Variants in MACROD2 observed in about 807,000 individuals in gnomAD.
MACROD2 encodes mono-ADP ribosylhydrolase 2.
Under a neutral mutation model 70.4 loss-of-function variants are expected in MACROD2, and 36 were observed. That is an observed-to-expected ratio of 0.51 (90% CI 0.39 to 0.68). The LOEUF (loss-of-function observed/expected upper bound fraction) is 0.68. MACROD2 is among the 30% of genes least tolerant of loss of function. The pLI, the probability that MACROD2 is intolerant of heterozygous loss-of-function variation, is 0.00. For missense variants in MACROD2, 496 were observed against 538.4 expected (o/e 0.92, Z 0.78); for synonymous variants, 172 against 178.8 (o/e 0.96, Z 0.30).
At chr20:14,062,809 A>G (rs768770940) in intron 2 of MACROD2, among the ~76,000 whole-genome samples, 10 of 152,226 alleles carry the variant, frequency 6.6e-5, no homozygotes, top group Non-Finnish European at 1.5e-4. Context: ...AGGAAAATAC[A>G]GAATCTAATG....
At chr20:14,398,458 A>T (rs1363786059) in intron 3 of MACROD2, among the ~76,000 whole-genome samples, 1 of 149,160 alleles carries the variant, frequency 6.7e-6, no homozygotes, top group South Asian at 2.1e-4. Context: ...CTGGGGCGAG[A>T]TGATATCTCA....
At chr20:15,859,681 T>C (rs990564673) in intron 8 of MACROD2, among the ~76,000 whole-genome samples, 1 of 152,124 alleles carries the variant, frequency 6.6e-6, no homozygotes, top group Non-Finnish European at 1.5e-5. Context: ...TTCCGTGTTA[T>C]GCCTAAGGGT....
rs552214315 is a variant in MACROD2 at position 14,316,898 on chromosome 20, C to G, written c.272-176581C>G. 2.0e-5 allele frequency among the ~76,000 whole-genome samples: 3 copies of G among 152,132 alleles called. 1 individual carries two copies. The highest frequency in any genetic ancestry group is 2.0e-4 in the Admixed American group (3 of 15,290). On this transcript the variant is annotated intron_variant, in intron 3 of 17. Coordinates refer to ENST00000684519, the MANE Select transcript of MACROD2 (RefSeq NM_001351661.2). The stretch of plus-strand genomic sequence containing the variant: ...TGACAGTCTGATCCCCACACCTTCT[C>G]CTCCTCTTTTACTTACTTCTCCTGC...
At chr20:14,073,777 A>G (rs1254958606) in intron 2 of MACROD2, among the ~76,000 whole-genome samples, 2 of 152,234 alleles carry the variant, frequency 1.3e-5, no homozygotes, top group Non-Finnish European at 2.9e-5. Flanking sequence ...AAACCAGTGC[A>G]AACTTAATAA....
intron 12 of MACROD2, 107 bp downstream of exon 12, chr20:15,937,651 C>G: frequency 6.3e-6 from 6 of 957,518 alleles, no homozygotes; most frequent in Non-Finnish European, 9.9e-6. Context: ...ACTAGGTTTT[C>G]TTAAGTGTCT....
chr20:15,151,969 G>A (rs1601146164), intron 5 of MACROD2, among the ~76,000 whole-genome samples: 1 of 151,910 alleles, frequency 6.6e-6, no homozygotes, highest in Admixed American at 6.6e-5. Context: ...CGACGCTTGG[G>A]GTTGGGACTG....
intron 5 of MACROD2, among the ~76,000 whole-genome samples, chr20:14,761,176 G>A (rs887913673): frequency 6.6e-6 from 1 of 152,008 alleles, no homozygotes; most frequent in African/African-American, 2.4e-5. Flanking sequence ...TGGAAAGTCT[G>A]TTTTCATCTT....
At chr20:14,397,272 C>G (rs1166636155) in intron 3 of MACROD2, among the ~76,000 whole-genome samples, 2 of 152,092 alleles carry the variant, frequency 1.3e-5, no homozygotes, top group East Asian at 1.9e-4. Context: ...GGATTACAGG[C>G]ATGAGCCACT....
chr20:14,588,112 G>A (rs6074763), intron 4 of MACROD2, among the ~76,000 whole-genome samples: 97,215 of 151,886 alleles, frequency 0.64, 32,749 homozygotes, highest in East Asian at 0.93. Flanking sequence ...AGTAAATAAC[G>A]GGATGATCAT....
chr20:14,574,243 G>A (rs1163300808), intron 4 of MACROD2, among the ~76,000 whole-genome samples: 1 of 152,072 alleles, frequency 6.6e-6, no homozygotes, highest in Non-Finnish European at 1.5e-5. Context: ...TCAGACCTCT[G>A]CTACTTGCCT....
intron 7 of MACROD2, among the ~76,000 whole-genome samples, chr20:15,482,342 ATCATATG>A (rs1200336388): frequency 6.6e-6 from 1 of 152,224 alleles, no homozygotes; most frequent in Non-Finnish European, 1.5e-5. Flanking sequence ...AATGCCCGAC[ATCATATG>A]TCATAAGGTA....
intron 8 of MACROD2, among the ~76,000 whole-genome samples, chr20:15,581,579 A>G (rs902623869): frequency 2.0e-5 from 3 of 152,226 alleles, no homozygotes; most frequent in African/African-American, 7.2e-5. Flanking sequence ...TTATGGAGGC[A>G]GTAATTGCAG....
At chr20:15,441,479 A>C (rs6110606) in intron 7 of MACROD2, among the ~76,000 whole-genome samples, 98,692 of 151,988 alleles carry the variant, frequency 0.65, 33,062 homozygotes, top group African/African-American at 0.8. Flanking sequence ...GTGAGAAACC[A>C]GTGTCAGTCT....
intron 3 of MACROD2, among the ~76,000 whole-genome samples, chr20:14,406,389 A>G (rs558588118): frequency 5.3e-5 from 8 of 152,164 alleles, no homozygotes; most frequent in Non-Finnish European, 1.0e-4. Flanking sequence ...CTGATTTTAT[A>G]TTCTTGTAAG....
intron 7 of MACROD2, among the ~76,000 whole-genome samples, chr20:15,438,684 A>G (rs537813804): frequency 7.0e-4 from 106 of 152,242 alleles, no homozygotes; most frequent in Middle Eastern, 3.4e-3. Context: ...GTTGCTCCAT[A>G]GATTGCTGTT....
intron 5 of MACROD2, among the ~76,000 whole-genome samples, chr20:14,747,537 ATTCAAG>A (rs956374448): frequency 6.6e-6 from 1 of 152,120 alleles, no homozygotes; most frequent in African/African-American, 2.4e-5. Context: ...TCAGCTACAG[ATTCAAG>A]TTCACCTAAG....
Position 14,385,079 on chromosome 20 carries a change from G to A in MACROD2, c.272-108400G>A, listed in dbSNP as rs74657792. Among the ~76,000 whole-genome samples the A allele has an allele frequency of 4.3e-3, 661 of 152,080 alleles. 3 individuals are homozygous for A. Among genetic ancestry groups the A allele is most frequent in the African/African-American group, 0.015 (618 of 41,520 alleles). Reference sequence around the variant, plus strand: ...GGATTTATAGAAGCCATCAAATTGGGGACAAGTTACAATGAAAACTTTTCA... The same window carrying A: ...GGATTTATAGAAGCCATCAAATTGGAGACAAGTTACAATGAAAACTTTTCA... On this transcript the variant is annotated intron_variant, in intron 3 of 17. Coordinates refer to ENST00000684519, the MANE Select transcript of MACROD2 (RefSeq NM_001351661.2).
In MACROD2 at chr20:15,021,037, C is replaced by T. The variant is rs141890752; in HGVS notation, c.419-208903C>T. Among the ~76,000 whole-genome samples, 31 of 142,778 alleles carry T rather than the reference C, an allele frequency of 2.2e-4. No homozygotes were observed. The East Asian group carries it at 2.6e-3, about 12-fold the overall frequency. The allele number at this position is 142,778 out of a possible 152,430, so 93.7% of individuals were successfully genotyped here. ...GTATATGTATACACATGTGCATATA[C>T]GTATATGCATACACATGTGCATATG... is the stretch of plus-strand genomic sequence containing the variant. On this transcript the variant is annotated intron_variant, in intron 5 of 17. Coordinates refer to ENST00000684519, the MANE Select transcript of MACROD2 (RefSeq NM_001351661.2).
rs187815157 is a variant in MACROD2, at chr20:15,980,757, A to G, written c.986-5970A>G. 2.7e-3 allele frequency among the ~76,000 whole-genome samples: 409 copies of G among 152,228 alleles called. 2 individuals are homozygous for G. The highest frequency in any genetic ancestry group is 0.01 in the Middle Eastern group (3 of 294). ...ATTAGTAAGGTTAAATTTCTTATAGACTTCTCTTTTAGCTGCTAGCAAGTA... is the reference window on the plus strand; with the variant it reads ...ATTAGTAAGGTTAAATTTCTTATAGGCTTCTCTTTTAGCTGCTAGCAAGTA... On this transcript the variant is annotated intron_variant, in intron 13 of 17. Coordinates refer to ENST00000684519, the MANE Select transcript of MACROD2 (RefSeq NM_001351661.2).
Sources: gnomAD v4.1 joint callset for allele counts (sites outside exome capture counted in the v4.1 genomes callset) on GRCh38, gnomAD v4.1.1 for gene constraint, MANE v1.5 for transcripts, NCBI Gene and HGNC (gene_info 2026-07-23, HGNC 2026-07-21) for gene names.